Variants in GLP2R observed in about 807,000 individuals in gnomAD.
GLP2R encodes glucagon like peptide 2 receptor.
GLP2R carries 59 observed loss-of-function variants against 68.2 expected under a neutral mutation model. The observed-to-expected ratio is 0.87, with a 90% CI of 0.70 to 1.07. GLP2R has a LOEUF of 1.07. GLP2R is among the 50% of genes least tolerant of loss of function. The pLI is 0.00. For missense variants in GLP2R, 548 were observed against 677.4 expected, an observed-to-expected ratio of 0.81 and a Z score of 2.12; for synonymous variants, 270 against 265.4, an observed-to-expected ratio of 1.02 and a Z score of -0.17.
intron 10 of GLP2R, among the ~76,000 whole-genome samples, chr17:9,875,254 C>T (rs986069992): frequency 2.0e-5 from 3 of 152,202 alleles, no homozygotes; most frequent in Non-Finnish European, 4.4e-5. Flanking sequence ...CCCAGCAGGG[C>T]ATTGGCACCC....
intron 4 of GLP2R, 43 bp downstream of exon 4, chr17:9,842,659 C>T (rs1312121341): frequency 1.9e-6 from 3 of 1,608,940 alleles, no homozygotes; most frequent in Admixed American, 3.3e-5. Flanking sequence ...AGGGTCCAAA[C>T]CACCCTCCTT....
intron 4 of GLP2R, 41 bp from the exon 5 acceptor site, chr17:9,854,454 C>T (rs1249215582): frequency 6.5e-6 from 8 of 1,221,856 alleles, no homozygotes; most frequent in Non-Finnish European, 9.7e-6. Context: ...GGCCATAGCC[C>T]CATGGCTTAG....
Position 9,840,407 on chromosome 17 carries a change from T to C in GLP2R, c.383-2088T>C, listed in dbSNP as rs546406576. ...TTTGCATTCCCAGCACAAAGCATTA[T>C]GGCTAGTACAGACAATGCAAGTGTC... On this transcript the variant is annotated intron_variant, in intron 3 of 12. Transcript: ENST00000262441. Among the ~76,000 whole-genome samples the C allele has an allele frequency of 2.6e-5, 4 of 152,372 alleles. No homozygotes were observed. In the East Asian group the frequency reaches 7.7e-4, roughly 29 times the overall value.
chr17:9,857,438 G>A lies in GLP2R; in HGVS notation c.627G>A (p.Thr209=), dbSNP rs61730823. ...LLLFLRKLHC[T]RNYIHMNLFA... ...CCTCGCACAGAAAACTCCACTGCAC[G>A]CGCAACTACATCCACATGAACTTGT... The change falls in exon 6 of 13, where the codon ACG becomes ACA. Residue 209 remains threonine, a synonymous_variant. Transcript: ENST00000262441. 3,778 of 1,614,122 alleles carry A rather than the reference G, an allele frequency of 2.3e-3. 84 individuals are homozygous for A. In the African/African-American group the frequency reaches 0.044, roughly 19 times the overall value.
rs1024886137 is a variant in GLP2R, at chr17:9,881,434, G to C, written c.1284+918G>C. On this transcript the variant is annotated intron_variant, in intron 11 of 12. Coordinates refer to ENST00000262441, the MANE Select transcript of GLP2R (RefSeq NM_004246.3). Reference sequence around the variant, plus strand: ...CTCGCTCTGTCGCCCAGGCTGGAGTGCAGTGGCGGGATCTCGGCTCACTGC... The same window carrying C: ...CTCGCTCTGTCGCCCAGGCTGGAGTCCAGTGGCGGGATCTCGGCTCACTGC... 3.9e-5 allele frequency among the ~76,000 whole-genome samples: 5 copies of C among 127,996 alleles called. No individual in the cohort carries two copies. The East Asian group carries it at 1.0e-3, about 26-fold the overall frequency. 84.0% of individuals were successfully genotyped at this position (127,996 alleles called of 152,430 possible).
At chr17:9,848,171 G>A (rs934595079) in intron 4 of GLP2R, among the ~76,000 whole-genome samples, 4 of 152,162 alleles carry the variant, frequency 2.6e-5, no homozygotes, top group South Asian at 2.1e-4. Context: ...GATTAGATCC[G>A]GTTTATCTCA....
intron 4 of GLP2R, among the ~76,000 whole-genome samples, chr17:9,850,451 G>A (rs193154529): frequency 2.2e-4 from 34 of 152,272 alleles, no homozygotes; most frequent in African/African-American, 7.0e-4. Flanking sequence ...CCACTTGTTC[G>A]TTGAAATGCA....
chr17:9,861,230 C>G lies in GLP2R; in HGVS notation c.986+31C>G, dbSNP rs12150176. 1.7e-4 allele frequency: 252 copies of G among 1,458,260 alleles called. No homozygotes were observed. In the East Asian group the frequency reaches 2.0e-3, roughly 12 times the overall value. 90.3% of individuals were successfully genotyped at this position (1,458,260 alleles called of 1,614,324 possible). On this transcript the variant is annotated intron_variant, in intron 8 of 12. Coordinates refer to ENST00000262441, the MANE Select transcript of GLP2R (RefSeq NM_004246.3). ...TAATTCACCAGGTGTTATTCTTTCA[C>G]GAGCCGGTAATTCCCAGGCATGCCT...
At chr17:9,870,722 A>G in intron 9 of GLP2R, 25 bp from the exon 10 acceptor site, 1 of 1,079,184 alleles carries the variant, frequency 9.3e-7, no homozygotes, top group Non-Finnish European at 1.4e-6. Context: ...TCACTTACTT[A>G]CCCAATTCTG....
chr17:9,841,883 T>C (rs1176986841), intron 3 of GLP2R, among the ~76,000 whole-genome samples: 1 of 152,184 alleles, frequency 6.6e-6, no homozygotes, highest in Non-Finnish European at 1.5e-5. Context: ...GAGAGTCTCC[T>C]GGGATAGATG....
In GLP2R at chr17:9,889,460, T is replaced by C. The variant is rs1397029959; in HGVS notation, c.1417T>C (p.Phe473Leu). Residue 473 changes from phenylalanine (F) to leucine (L), a missense_variant, in exon 13 of 13, where the codon TTC (phenylalanine) becomes CTC (leucine). Coordinates refer to ENST00000262441, the MANE Select transcript of GLP2R (RefSeq NM_004246.3). ...RACVLGKDFR[F>L]LGKCPKKLSE... ...CTGTGTCCTGGGGAAGGACTTCCGG[T>C]TCCTAGGAAAATGTCCCAAGAAGCT... The C allele has an allele frequency of 6.2e-7, 1 of 1,613,938 alleles. No homozygotes were observed. The highest frequency in any genetic ancestry group is 8.5e-7 in the Non-Finnish European group (1 of 1,179,938).
chr17:9,829,041 GC>G (rs1345954060), intron 1 of GLP2R, among the ~76,000 whole-genome samples: 15 of 152,176 alleles, frequency 9.9e-5, no homozygotes, highest in African/African-American at 3.6e-4. Flanking sequence ...TCTGCTCATA[GC>G]CTCTTTCCCT....
At chr17:9,830,219 A>G (rs1372188366) in intron 1 of GLP2R, among the ~76,000 whole-genome samples, 1 of 152,218 alleles carries the variant, frequency 6.6e-6, no homozygotes, top group African/African-American at 2.4e-5. Flanking sequence ...CATGGCAAAG[A>G]ATGGAGGATA....
intron 10 of GLP2R, among the ~76,000 whole-genome samples, chr17:9,876,423 G>A (rs2067142910): frequency 6.6e-6 from 1 of 152,190 alleles, no homozygotes; most frequent in South Asian, 2.1e-4. Context: ...TTTTATGCTA[G>A]GTTTAATGCA....
In GLP2R at chr17:9,862,702, G is replaced by C. The variant is rs147116197; in HGVS notation, c.1056+612G>C. On this transcript the variant is annotated intron_variant, in intron 9 of 12. Transcript: ENST00000262441. ...ACTGTCAAAGAAGCTAGCAGGAAGG[G>C]GCAGAAAGTTAGCAAACACTGGGAA... Among the ~76,000 whole-genome samples, 361 of 152,210 alleles carry C rather than the reference G, an allele frequency of 2.4e-3. 1 individual carries two copies. The highest frequency in any genetic ancestry group is 0.01 in the Middle Eastern group (3 of 294).
chr17:9,837,960 CAG>C (rs149668360), intron 3 of GLP2R, among the ~76,000 whole-genome samples: 5 of 150,220 alleles, frequency 3.3e-5, no homozygotes, highest in Non-Finnish European at 4.5e-5. Flanking sequence ...GCCTCTAGAG[CAG>C]AGAGAGAGAG....
chr17:9,847,223 T>C (rs764206110), intron 4 of GLP2R, among the ~76,000 whole-genome samples: 9 of 152,244 alleles, frequency 5.9e-5, no homozygotes, highest in Non-Finnish European at 1.3e-4. Flanking sequence ...ATTTATTGCT[T>C]TTATTCTGAA....
chr17:9,832,693 C>G (rs368786598), intron 1 of GLP2R, among the ~76,000 whole-genome samples: 1 of 149,008 alleles, frequency 6.7e-6, no homozygotes, highest in East Asian at 2.0e-4. Context: ...ATTGTCCCAT[C>G]ACACTCTAGC....
chr17:9,871,721 C>CTTTTTTTTTTTTTTTTTTTTTT (rs372099240), intron 10 of GLP2R, among the ~76,000 whole-genome samples: 3 of 102,312 alleles, frequency 2.9e-5, no homozygotes, highest in African/African-American at 4.0e-5. Context: ...TACTTTCTTT[C>CTTTTTTTTTTTTTTTTTTTTTT]TTTTTTTTTT....
Sources: gnomAD v4.1 joint callset for allele counts (sites outside exome capture counted in the v4.1 genomes callset) on GRCh38, gnomAD v4.1.1 for gene constraint, MANE v1.5 for transcripts, NCBI Gene and HGNC (gene_info 2026-07-23, HGNC 2026-07-21) for gene names.